Variants in OSBPL1A observed in about 807,000 individuals in gnomAD.
OSBPL1A encodes oxysterol binding protein like 1A, also known as oxysterol-binding protein-related protein 1.
Under a neutral mutation model 137.1 loss-of-function variants are expected in OSBPL1A, and 80 were observed. The observed-to-expected ratio is 0.58, with a 90% CI of 0.49 to 0.70. OSBPL1A has a LOEUF of 0.70. Ranked by LOEUF, OSBPL1A falls within the 30% of genes least tolerant of loss-of-function variation. The probability of loss-of-function intolerance (pLI) is 0.00; values close to 1 mark genes in which losing one functional copy is unlikely to be tolerated. For missense variants in OSBPL1A, 970 were observed against 1,129.4 expected (o/e 0.86, Z 2.02); for synonymous variants, 365 against 389.7 (o/e 0.94, Z 0.75).
chr18:24,319,981 C>CA (rs56140141), intron 7 of OSBPL1A, among the ~76,000 whole-genome samples: 1,229 of 77,390 alleles, frequency 0.016, 8 homozygotes, highest in African/African-American at 0.025. Flanking sequence ...CTTATCTCTA[C>CA]AAAAAAAAAA....
intron 15 of OSBPL1A, among the ~76,000 whole-genome samples, chr18:24,270,690 A>C (rs988193008): frequency 3.3e-5 from 5 of 152,132 alleles, no homozygotes; most frequent in Admixed American, 3.3e-4. Flanking sequence ...AGAGGAGATT[A>C]ACTTCGGTGT....
At chr18:24,365,687 A>G (rs2091694316) in intron 4 of OSBPL1A, among the ~76,000 whole-genome samples, 1 of 152,178 alleles carries the variant, frequency 6.6e-6, no homozygotes, top group South Asian at 2.1e-4. Context: ...GGATGAATAT[A>G]AACAGGCATG....
At chr18:24,246,099 C>T (rs1001159579) in intron 15 of OSBPL1A, among the ~76,000 whole-genome samples, 3 of 152,150 alleles carry the variant, frequency 2.0e-5, no homozygotes, top group East Asian at 1.9e-4. Context: ...GTAATCCCAG[C>T]TACTTGGGAG....
intron 4 of OSBPL1A, among the ~76,000 whole-genome samples, chr18:24,353,976 G>A (rs974723232): frequency 2.6e-5 from 4 of 151,024 alleles, no homozygotes; most frequent in African/African-American, 9.8e-5. Context: ...TAAATGACCA[G>A]TTAATGGGTG....
intron 12 of OSBPL1A, among the ~76,000 whole-genome samples, chr18:24,312,715 A>G (rs1343429896): frequency 6.6e-6 from 1 of 152,194 alleles, no homozygotes; most frequent in Non-Finnish European, 1.5e-5. Context: ...TGGGAGAGTC[A>G]TGAGTTAGAT....
intron 12 of OSBPL1A, among the ~76,000 whole-genome samples, chr18:24,313,425 A>G (rs1318756818): frequency 6.6e-6 from 1 of 151,852 alleles, no homozygotes; most frequent in African/African-American, 2.4e-5. Context: ...TGGGCGGAAA[A>G]AAAAAAAAAA....
At chr18:24,261,303 G>T (rs1269222548) in intron 15 of OSBPL1A, among the ~76,000 whole-genome samples, 2 of 152,260 alleles carry the variant, frequency 1.3e-5, no homozygotes, top group East Asian at 3.9e-4. Flanking sequence ...AGGAACTTTT[G>T]GAAGGAATAG....
intron 18 of OSBPL1A, among the ~76,000 whole-genome samples, chr18:24,191,929 T>C (rs2086900600): frequency 6.6e-6 from 1 of 152,186 alleles, no homozygotes; most frequent in South Asian, 2.1e-4. Context: ...GAAGAATAGC[T>C]TGCTCATGTA....
At chr18:24,197,007 G>A (rs1378932491) in intron 17 of OSBPL1A, among the ~76,000 whole-genome samples, 6 of 152,160 alleles carry the variant, frequency 3.9e-5, no homozygotes, top group Non-Finnish European at 7.3e-5. Flanking sequence ...ATGAGGGGTG[G>A]TGCAAGAGGT....
chr18:24,328,782 A>G lies in OSBPL1A; in HGVS notation c.625+4160T>C, dbSNP rs74765474. On this transcript the variant is annotated intron_variant, in intron 7 of 27. Transcript: ENST00000319481. ...CCATACTGAGATGTGCTGTAAGTGCAGAAATACACACCAGATTTCAAAGAC... is the reference window on the plus strand; with the variant it reads ...CCATACTGAGATGTGCTGTAAGTGCGGAAATACACACCAGATTTCAAAGAC... Among the ~76,000 whole-genome samples the G allele has an allele frequency of 5.7e-3, 865 of 152,336 alleles. 5 individuals carry two copies. The highest frequency in any genetic ancestry group is 0.015 in the South Asian group (72 of 4,822).
chr18:24,307,147 G>C (rs1279535185), intron 13 of OSBPL1A, among the ~76,000 whole-genome samples: 1 of 151,872 alleles, frequency 6.6e-6, no homozygotes, highest in East Asian at 1.9e-4. Flanking sequence ...CCCAGGCTTG[G>C]TGGCACATGC....
intron 1 of OSBPL1A, among the ~76,000 whole-genome samples, chr18:24,395,268 C>T (rs957632955): frequency 1.1e-4 from 16 of 152,192 alleles, no homozygotes; most frequent in Admixed American, 5.9e-4. Context: ...GTTTCTCACA[C>T]GCACTTGATA....
intron 17 of OSBPL1A, among the ~76,000 whole-genome samples, chr18:24,196,679 C>G (rs2087043152): frequency 6.6e-6 from 1 of 151,982 alleles, no homozygotes. Flanking sequence ...TCATAAAAGC[C>G]AAAGTATTTT....
chr18:24,279,834 G>GATTTT (rs2089921659), intron 15 of OSBPL1A, among the ~76,000 whole-genome samples: 1 of 152,030 alleles, frequency 6.6e-6, no homozygotes, highest in Non-Finnish European at 1.5e-5. Flanking sequence ...TATTTGGTTT[G>GATTTT]CTTTTCTTTT....
intron 7 of OSBPL1A, among the ~76,000 whole-genome samples, chr18:24,319,047 T>C (rs1276311678): frequency 1.3e-5 from 2 of 152,258 alleles, no homozygotes; most frequent in Non-Finnish European, 2.9e-5. Context: ...CATGAACTCA[T>C]AAATTTGTGG....
chr18:24,164,384 G>A (rs1373583329), intron 27 of OSBPL1A, among the ~76,000 whole-genome samples: 1 of 145,134 alleles, frequency 6.9e-6, no homozygotes, highest in Non-Finnish European at 1.5e-5. Context: ...ATATAAATTA[G>A]TACAGCCATT....
At chr18:24,248,140 T>C (rs2088959519) in intron 15 of OSBPL1A, among the ~76,000 whole-genome samples, 1 of 152,190 alleles carries the variant, frequency 6.6e-6, no homozygotes, top group Non-Finnish European at 1.5e-5. Context: ...CAGATTCAGA[T>C]AGATGAGTAC....
At chr18:24,214,827 A>G (rs978545642) in intron 17 of OSBPL1A, among the ~76,000 whole-genome samples, 1 of 152,242 alleles carries the variant, frequency 6.6e-6, no homozygotes, top group African/African-American at 2.4e-5. Context: ...GAATAACAGA[A>G]GTGCCCTTCT....
intron 14 of OSBPL1A, among the ~76,000 whole-genome samples, chr18:24,287,069 T>C (rs1023164899): frequency 2.6e-5 from 4 of 152,204 alleles, no homozygotes; most frequent in Non-Finnish European, 4.4e-5. Context: ...CACAAAGACC[T>C]GGAGTCAAAC....
Sources: allele counts gnomAD v4.1 joint callset (sites outside exome capture counted in the v4.1 genomes callset), GRCh38; gene constraint gnomAD v4.1.1; transcripts MANE v1.5; gene names NCBI Gene and HGNC (gene_info 2026-07-23, HGNC 2026-07-21).